The following ZNF782 variants were observed in gnomAD, a reference collection of about 807,000 sequenced individuals.
ZNF782 encodes zinc finger protein 782.
Under a neutral mutation model 13.0 loss-of-function variants are expected in ZNF782, and 12 were observed. That is an observed-to-expected ratio of 0.92 (90% CI 0.59 to 1.50). ZNF782 has a LOEUF of 1.50. Among genes scored for constraint, ZNF782 ranks in the 40% most tolerant of loss-of-function variants. The pLI is 0.00. For missense variants in ZNF782, 770 were observed against 822.9 expected (o/e 0.94, Z 0.79); for synonymous variants, 284 against 283.0 (o/e 1.00, Z -0.04).
At chr9:96,842,060 T>C (rs1851205128) in intron 4 of ZNF782, among the ~76,000 whole-genome samples, 2 of 151,930 alleles carry the variant, frequency 1.3e-5, no homozygotes, top group African/African-American at 4.8e-5. Flanking sequence ...CTAGCAACCT[T>C]TGTAAGCAAA....
the ZNF782 span, among the ~76,000 whole-genome samples, chr9:96,885,138 C>T: frequency 6.6e-6 from 1 of 150,852 alleles, no homozygotes; most frequent in African/African-American, 2.4e-5. Flanking sequence ...CGGAAAAATC[C>T]TACAGAAACA....
At chr9:96,879,324 T>C (rs1470647914), upstream of ZNF782, among the ~76,000 whole-genome samples, 1 of 151,938 alleles carries the variant, frequency 6.6e-6, no homozygotes, top group Non-Finnish European at 1.5e-5. Flanking sequence ...CTGTCTCCAC[T>C]AAAAAAACAA....
the ZNF782 span, chr9:96,888,547 T>C: frequency 1.2e-4 from 18 of 152,102 alleles, no homozygotes; most frequent in African/African-American, 4.3e-4. Flanking sequence ...TAAAAACAAA[T>C]TAAGAGTGTG....
chr9:96,859,045 C>G (rs1393008296), upstream of ZNF782, among the ~76,000 whole-genome samples: 10 of 147,868 alleles, frequency 6.8e-5, no homozygotes, highest in Admixed American at 6.6e-4. Context: ...ACGGAGGGAA[C>G]ATTTACACTA....
At chr9:96,912,711 TAG>T in the ZNF782 span, among the ~76,000 whole-genome samples, 2 of 151,164 alleles carry the variant, frequency 1.3e-5, no homozygotes, top group African/African-American at 4.8e-5. Context: ...GTATTTTTAG[TAG>T]AGACGGGGTT....
the ZNF782 span, among the ~76,000 whole-genome samples, chr9:96,883,969 C>T: frequency 6.6e-6 from 1 of 152,298 alleles, no homozygotes; most frequent in African/African-American, 2.4e-5. Context: ...TTCTCTTTAG[C>T]CAAAGGTCTT....
At chr9:96,857,647 G>T (rs1851660255), upstream of ZNF782, among the ~76,000 whole-genome samples, 1 of 152,224 alleles carries the variant, frequency 6.6e-6, no homozygotes, top group African/African-American at 2.4e-5. Flanking sequence ...TGAGGTTGCA[G>T]GGAGTGTGAA....
chr9:96,843,249 T>A (rs574016047), intron 4 of ZNF782, among the ~76,000 whole-genome samples: 1 of 152,282 alleles, frequency 6.6e-6, no homozygotes, highest in East Asian at 1.9e-4. Context: ...AATGTTCACA[T>A]CAACTTTATA....
At chr9:96,865,210 C>G (rs892032363) in intron 1 of ZNF782, among the ~76,000 whole-genome samples, 10 of 152,204 alleles carry the variant, frequency 6.6e-5, no homozygotes, top group African/African-American at 2.4e-4. Flanking sequence ...AGTTTCATTT[C>G]CAACTCGGGA....
chr9:96,882,449 T>C, the ZNF782 span, among the ~76,000 whole-genome samples: 2 of 152,200 alleles, frequency 1.3e-5, no homozygotes, highest in African/African-American at 2.4e-5. Flanking sequence ...TTTTTTAAAA[T>C]AGTAGGCTTC....
At chr9:96,930,277 C>A in the ZNF782 span, among the ~76,000 whole-genome samples, 3 of 152,192 alleles carry the variant, frequency 2.0e-5, no homozygotes, top group East Asian at 1.9e-4. Context: ...GTAATCCCAG[C>A]ACTTTGGGAG....
chr9:96,859,335 T>C (rs796311290), upstream of ZNF782, among the ~76,000 whole-genome samples: 21 of 152,148 alleles, frequency 1.4e-4, no homozygotes, highest in African/African-American at 4.6e-4. Flanking sequence ...CCTCCAACCC[T>C]AGACAGTGCA....
the ZNF782 span, among the ~76,000 whole-genome samples, chr9:96,885,628 T>G: frequency 6.6e-6 from 1 of 152,076 alleles, no homozygotes; most frequent in East Asian, 1.9e-4. Flanking sequence ...AATCTACAGA[T>G]TGAAGAATCT....
At chr9:96,906,179 A>G in the ZNF782 span, among the ~76,000 whole-genome samples, 2 of 152,222 alleles carry the variant, frequency 1.3e-5, no homozygotes, top group African/African-American at 4.8e-5. Context: ...TGTATGCTAA[A>G]TAACATATAC....
At chr9:96,905,876 G>A in the ZNF782 span, among the ~76,000 whole-genome samples, 5 of 152,140 alleles carry the variant, frequency 3.3e-5, no homozygotes, top group Admixed American at 2.0e-4. Flanking sequence ...GAGCCACCGT[G>A]CCCGGCCTAT....
At chr9:96,838,050 CTTAAA>C (rs1323566274) in intron 4 of ZNF782, among the ~76,000 whole-genome samples, 8 of 152,154 alleles carry the variant, frequency 5.3e-5, no homozygotes, top group Non-Finnish European at 1.2e-4. Flanking sequence ...GCACTTAACA[CTTAAA>C]TTAACCTCTG....
At chr9:96,895,978 A>T in the ZNF782 span, 7 of 152,208 alleles carry the variant, frequency 4.6e-5, no homozygotes, top group Non-Finnish European at 1.0e-4. Context: ...ACCATCAAGG[A>T]CTTGAAGGAT....
rs1467365374 is a variant in ZNF782, at chr9:96,829,237, G to A, written c.143-2056C>T. ...TAGAGATAAAGAGCACCATAAACTGGAAAAAAGAGGATGAAAACAAAATAT... is the reference window on the plus strand; with the variant it reads ...TAGAGATAAAGAGCACCATAAACTGAAAAAAAGAGGATGAAAACAAAATAT... On this transcript the variant is annotated intron_variant, in intron 4 of 5. Coordinates refer to ENST00000481138, the MANE Select transcript of ZNF782 (RefSeq NM_001001662.3). Among the ~76,000 whole-genome samples, 10 of 151,920 alleles carry A rather than the reference G, an allele frequency of 6.6e-5. No individual in the cohort carries two copies. The South Asian group carries it at 2.1e-3, about 32-fold the overall frequency.
intron 4 of ZNF782, among the ~76,000 whole-genome samples, chr9:96,834,258 G>A (rs940547767): frequency 2.6e-5 from 4 of 152,188 alleles, no homozygotes; most frequent in Non-Finnish European, 5.9e-5. Context: ...GTTCTCACGT[G>A]AGCTGATGGT....
Sources: allele counts gnomAD v4.1 joint callset (sites outside exome capture counted in the v4.1 genomes callset), GRCh38; gene constraint gnomAD v4.1.1; transcripts MANE v1.5; gene names NCBI Gene and HGNC (gene_info 2026-07-23, HGNC 2026-07-21).